The following SPHKAP variants were observed in gnomAD, a reference collection of about 807,000 sequenced individuals.
SPHKAP encodes the protein SPHK1 interactor, AKAP domain containing.
In SPHKAP, 67 loss-of-function variants were observed where a neutral mutation model predicts 137.5. The ratio of observed to expected loss-of-function variants is 0.49; its 90% CI spans 0.40 to 0.60. The LOEUF is 0.60. SPHKAP is among the 20% of genes least tolerant of loss of function. SPHKAP has a pLI of 0.00. For synonymous variants in SPHKAP, 813 were observed against 785.3 expected (o/e 1.04, Z -0.59); for missense variants, 2,097 against 2,069.3 (o/e 1.01, Z -0.26).
At chr2:228,138,430 C>G (rs1176431178) in intron 1 of SPHKAP, among the ~76,000 whole-genome samples, 3 of 152,144 alleles carry the variant, frequency 2.0e-5, no homozygotes, top group African/African-American at 7.2e-5. Flanking sequence ...CTGCTGTGTA[C>G]ATTTTTCTGG....
intron 2 of SPHKAP, among the ~76,000 whole-genome samples, chr2:228,123,891 A>G (rs1489223577): frequency 6.6e-6 from 1 of 152,214 alleles, no homozygotes; most frequent in Admixed American, 6.5e-5. Flanking sequence ...TACAAGAAAA[A>G]AATGAAACAA....
intron 1 of SPHKAP, among the ~76,000 whole-genome samples, chr2:228,153,307 A>T (rs1699995403): frequency 6.6e-6 from 1 of 152,148 alleles, no homozygotes; most frequent in Non-Finnish European, 1.5e-5. Flanking sequence ...AGATTTGCTG[A>T]ATATTTAAAA....
At position 228,108,814 on chromosome 2, in the gene SPHKAP, A is replaced by C; in HGVS notation, c.246+18T>G. The C allele has an allele frequency of 1.3e-6, 2 of 1,581,362 alleles. No homozygotes were observed. Among genetic ancestry groups the C allele is most frequent in the Non-Finnish European group, 1.7e-6 (2 of 1,158,344 alleles). On this transcript the variant is annotated intron_variant, in intron 3 of 11. Coordinates refer to ENST00000392056, the MANE Select transcript of SPHKAP (RefSeq NM_001142644.2). ...CCCTGCTTTATCAGACAACATCCCA[A>C]GAATTCTGTGTACTTACAGAAGCAC... is the stretch of plus-strand genomic sequence containing the variant.
chr2:228,082,649 T>C (rs1369861393), intron 3 of SPHKAP, among the ~76,000 whole-genome samples: 1 of 152,190 alleles, frequency 6.6e-6, no homozygotes, highest in African/African-American at 2.4e-5. Flanking sequence ...AAAATGGGTA[T>C]AAATAGTGTG....
chr2:228,031,810 T>C (rs1695337214), intron 3 of SPHKAP, among the ~76,000 whole-genome samples: 2 of 152,248 alleles, frequency 1.3e-5, no homozygotes, highest in Middle Eastern at 3.2e-3. Flanking sequence ...CCAACAGACC[T>C]GCAGCTGAGG....
intron 1 of SPHKAP, among the ~76,000 whole-genome samples, chr2:228,154,522 A>C (rs1357447646): frequency 1.3e-3 from 57 of 43,548 alleles, no homozygotes; most frequent in Non-Finnish European, 2.3e-3. Flanking sequence ...CTATATATAT[A>C]TATATATATA....
chr2:228,151,703 A>G (rs1014819326), intron 1 of SPHKAP, among the ~76,000 whole-genome samples: 1 of 152,076 alleles, frequency 6.6e-6, no homozygotes, highest in African/African-American at 2.4e-5. Context: ...ATGGGATCTC[A>G]TTCTGTTGCA....
chr2:228,003,547 C>T (rs1487718297), intron 7 of SPHKAP, among the ~76,000 whole-genome samples: 1 of 152,018 alleles, frequency 6.6e-6, no homozygotes, highest in Non-Finnish European at 1.5e-5. Context: ...TAATTGAATA[C>T]CTTTATTTCT....
intron 3 of SPHKAP, among the ~76,000 whole-genome samples, chr2:228,054,041 A>AT (rs1436446084): frequency 6.6e-6 from 1 of 152,138 alleles, no homozygotes; most frequent in Non-Finnish European, 1.5e-5. Context: ...AAGCTAATAC[A>AT]TTTTTCCTCA....
intron 3 of SPHKAP, among the ~76,000 whole-genome samples, chr2:228,075,361 C>T (rs78910435): frequency 0.018 from 2,807 of 152,058 alleles, 83 homozygotes; most frequent in African/African-American, 0.062. Context: ...AATCTGAGGC[C>T]CAGCAATAGG....
At chr2:228,127,876 G>A (rs6716136) in intron 2 of SPHKAP, among the ~76,000 whole-genome samples, 51,990 of 151,958 alleles carry the variant, frequency 0.34, 9,166 homozygotes, top group East Asian at 0.5. Context: ...TGTCTATATT[G>A]TAGTCTATTA....
intron 7 of SPHKAP, among the ~76,000 whole-genome samples, chr2:228,010,610 A>C (rs1001589044): frequency 8.5e-5 from 13 of 152,106 alleles, no homozygotes; most frequent in African/African-American, 3.1e-4. Flanking sequence ...GAAACAGAAG[A>C]CCTTTCACAT....
At chr2:228,117,904 T>G (rs371123414) in intron 2 of SPHKAP, among the ~76,000 whole-genome samples, 1 of 151,240 alleles carries the variant, frequency 6.6e-6, no homozygotes, top group Admixed American at 6.6e-5. Flanking sequence ...AAAGAGGACC[T>G]GAATAAGTGA....
At position 228,019,913 on chromosome 2, in the gene SPHKAP, CCCACAGCT is replaced by C; in HGVS notation, c.933_940del (p.Ala312GlufsTer15). The C allele has an allele frequency of 6.2e-7, 1 of 1,614,238 alleles. No homozygotes were observed. Among genetic ancestry groups the C allele is most frequent in the Non-Finnish European group, 8.5e-7 (1 of 1,180,038 alleles). On this transcript the variant is annotated frameshift_variant, in exon 7 of 12. Transcript: ENST00000392056. LOFTEE classifies it high-confidence loss of function. ...ATAATGTGTGGCTTGTCTCCCATTCCCCACAGCTTCTCTTTTCCACTGTGATGGCTTGG... is the reference window on the plus strand; with the variant it reads ...ATAATGTGTGGCTTGTCTCCCATTCCTCTCTTTTCCACTGTGATGGCTTGG...
intron 3 of SPHKAP, among the ~76,000 whole-genome samples, chr2:228,076,099 C>T (rs1331633112): frequency 6.6e-6 from 1 of 152,128 alleles, no homozygotes; most frequent in Non-Finnish European, 1.5e-5. Flanking sequence ...CTGCACAAGC[C>T]CTCTTTGCCT....
At chr2:228,163,519 A>G (rs538254412) in intron 1 of SPHKAP, among the ~76,000 whole-genome samples, 1 of 151,992 alleles carries the variant, frequency 6.6e-6, no homozygotes, top group South Asian at 2.1e-4. Context: ...TCTCTCGTTT[A>G]CTCCTTATTT....
chr2:228,004,372 A>G (rs755228480), intron 7 of SPHKAP, among the ~76,000 whole-genome samples: 34 of 152,116 alleles, frequency 2.2e-4, no homozygotes, highest in Admixed American at 1.3e-4. Context: ...GTATTCTCTG[A>G]TGGTAGTTTG....
At chr2:228,006,919 C>T (rs1293140290) in intron 7 of SPHKAP, among the ~76,000 whole-genome samples, 1 of 152,182 alleles carries the variant, frequency 6.6e-6, no homozygotes, top group Non-Finnish European at 1.5e-5. Context: ...CAGAGGGGTA[C>T]TCAGCCGTGT....
At chr2:228,013,646 A>C in intron 7 of SPHKAP, among the ~76,000 whole-genome samples, 1 of 152,224 alleles carries the variant, frequency 6.6e-6, no homozygotes. Context: ...CATTTATTAC[A>C]ACAGGCGAGG....
Sources: allele counts gnomAD v4.1 joint callset (sites outside exome capture counted in the v4.1 genomes callset), GRCh38; gene constraint gnomAD v4.1.1; transcripts MANE v1.5; gene names NCBI Gene and HGNC (gene_info 2026-07-23, HGNC 2026-07-21).